The following MYO3B variants were observed in gnomAD, a reference collection of about 807,000 sequenced individuals.
MYO3B encodes myosin IIIB, also known as myosin-IIIb.
In MYO3B, 156 loss-of-function variants were observed where a neutral mutation model predicts 174.6. The ratio of observed to expected loss-of-function variants is 0.89; its 90% CI spans 0.78 to 1.02. The LOEUF is 1.02. MYO3B is among the 50% of genes least tolerant of loss of function. The pLI is 0.00. For synonymous variants in MYO3B, 563 were observed against 569.1 expected (o/e 0.99, Z 0.15); for missense variants, 1,632 against 1,639.4 (o/e 1.00, Z 0.08).
intron 7 of MYO3B, among the ~76,000 whole-genome samples, chr2:170,329,152 C>CAAAAA (rs57648392): frequency 7.3e-6 from 1 of 136,862 alleles, no homozygotes; most frequent in African/African-American, 2.6e-5. Context: ...ACTCTGTCTC[C>CAAAAA]AAAAAAAAAA....
At chr2:170,571,161 A>G (rs957276485) in intron 32 of MYO3B, among the ~76,000 whole-genome samples, 2 of 152,230 alleles carry the variant, frequency 1.3e-5, no homozygotes, top group African/African-American at 4.8e-5. Flanking sequence ...AAGAGCAACT[A>G]AAGGATTTAT....
At chr2:170,188,727 G>A (rs12465008) in intron 1 of MYO3B, among the ~76,000 whole-genome samples, 74,421 of 151,920 alleles carry the variant, frequency 0.49, 19,325 homozygotes, top group East Asian at 0.87. Flanking sequence ...TAAGCAAACA[G>A]GCAAAGAGAA....
intron 8 of MYO3B, among the ~76,000 whole-genome samples, chr2:170,361,931 C>T (rs2094164544): frequency 6.6e-6 from 1 of 152,150 alleles, no homozygotes; most frequent in Non-Finnish European, 1.5e-5. Context: ...GTCAGTTAGT[C>T]TGGGCTTTTC....
intron 8 of MYO3B, among the ~76,000 whole-genome samples, chr2:170,357,526 C>G (rs914768948): frequency 6.6e-6 from 1 of 151,764 alleles, no homozygotes; most frequent in East Asian, 1.9e-4. Flanking sequence ...TCCAGGGTAT[C>G]TTTCTTCCCT....
At chr2:170,439,940 A>G (rs2094786937) in intron 22 of MYO3B, among the ~76,000 whole-genome samples, 1 of 152,186 alleles carries the variant, frequency 6.6e-6, no homozygotes, top group Non-Finnish European at 1.5e-5. Context: ...TCAGCTTCCC[A>G]AAGTGCTGGG....
At chr2:170,268,265 T>C (rs1370332609) in intron 7 of MYO3B, among the ~76,000 whole-genome samples, 2 of 152,022 alleles carry the variant, frequency 1.3e-5, no homozygotes, top group South Asian at 2.1e-4. Context: ...CAAACTCCAC[T>C]AAAGTAGGAT....
chr2:170,458,933 A>C (rs1684069713), intron 23 of MYO3B, among the ~76,000 whole-genome samples: 1 of 152,234 alleles, frequency 6.6e-6, no homozygotes, highest in African/African-American at 2.4e-5. Context: ...GCTGACTTCA[A>C]GAATGAAGCC....
chr2:170,640,603 TAA>T (rs985672508), intron 32 of MYO3B: 2 of 152,182 alleles, frequency 1.3e-5, no homozygotes, highest in African/African-American at 4.8e-5. Context: ...TTATGTAAAA[TAA>T]AGTTACTTTT....
intron 32 of MYO3B, among the ~76,000 whole-genome samples, chr2:170,614,493 C>T (rs1183605854): frequency 2.0e-5 from 3 of 152,150 alleles, no homozygotes; most frequent in Non-Finnish European, 2.9e-5. Context: ...TGAGCTGACC[C>T]TGCCATTTCC....
chr2:170,626,371 T>G (rs916682477), intron 32 of MYO3B, among the ~76,000 whole-genome samples: 1 of 152,220 alleles, frequency 6.6e-6, no homozygotes, highest in Admixed American at 6.5e-5. Context: ...AGACTAGGAT[T>G]GCAACCCCTG....
At chr2:170,189,344 T>C (rs914135353) in intron 1 of MYO3B, among the ~76,000 whole-genome samples, 1 of 152,116 alleles carries the variant, frequency 6.6e-6, no homozygotes, top group Non-Finnish European at 1.5e-5. Context: ...AATCTTCTTG[T>C]ACTTGAATAT....
At chr2:170,356,535 T>C (rs1191986847) in intron 8 of MYO3B, among the ~76,000 whole-genome samples, 3 of 151,718 alleles carry the variant, frequency 2.0e-5, no homozygotes, top group Admixed American at 6.6e-5. Context: ...GCTAATTTTG[T>C]ATTTTTAGTA....
At chr2:170,592,324 A>G (rs1331482247) in intron 32 of MYO3B, among the ~76,000 whole-genome samples, 1 of 152,216 alleles carries the variant, frequency 6.6e-6, no homozygotes, top group Non-Finnish European at 1.5e-5. Context: ...GCTGTTCTTC[A>G]AAGACATAGG....
intron 7 of MYO3B, among the ~76,000 whole-genome samples, chr2:170,249,906 C>T (rs1466170373): frequency 1.3e-5 from 2 of 152,164 alleles, no homozygotes; most frequent in Non-Finnish European, 2.9e-5. Flanking sequence ...GAATCTAATT[C>T]TACTAATACA....
At chr2:170,624,218 T>C (rs1696192805) in intron 32 of MYO3B, among the ~76,000 whole-genome samples, 2 of 152,246 alleles carry the variant, frequency 1.3e-5, no homozygotes, top group South Asian at 4.1e-4. Context: ...TGGAATGTTC[T>C]TCCATTTGTT....
At chr2:170,645,909 T>A (rs1698330504) in intron 32 of MYO3B, among the ~76,000 whole-genome samples, 1 of 152,206 alleles carries the variant, frequency 6.6e-6, no homozygotes, top group Admixed American at 6.5e-5. Context: ...TATGAAACAA[T>A]TTTTATATCT....
At chr2:170,529,722 G>A (rs1689229999) in intron 30 of MYO3B, among the ~76,000 whole-genome samples, 1 of 152,112 alleles carries the variant, frequency 6.6e-6, no homozygotes, top group South Asian at 2.1e-4. Flanking sequence ...ATTTTGAAAA[G>A]TTTGAGAAAG....
At chr2:170,255,164 A>T (rs565529859) in intron 7 of MYO3B, among the ~76,000 whole-genome samples, 81 of 152,200 alleles carry the variant, frequency 5.3e-4, no homozygotes, top group African/African-American at 7.5e-4. Context: ...TCAGAGAATG[A>T]GTGGGTCTCC....
chr2:170,385,196 C>A (rs2094365044), intron 12 of MYO3B, among the ~76,000 whole-genome samples: 1 of 152,106 alleles, frequency 6.6e-6, no homozygotes, highest in Admixed American at 6.6e-5. Context: ...ATGTGTTCAC[C>A]AACTCAGAAG....
Sources: allele counts gnomAD v4.1 joint callset (sites outside exome capture counted in the v4.1 genomes callset), GRCh38; gene constraint gnomAD v4.1.1; transcripts MANE v1.5; gene names NCBI Gene and HGNC (gene_info 2026-07-23, HGNC 2026-07-21).